The following CDHR3 variants were observed in gnomAD, a reference collection of about 807,000 sequenced individuals.
CDHR3 encodes the protein cadherin-related family member 3.
Under a neutral mutation model 86.6 loss-of-function variants are expected in CDHR3, and 79 were observed. The observed-to-expected ratio is 0.91, with a 90% CI of 0.76 to 1.10. The LOEUF is 1.10. Ranked by LOEUF, CDHR3 falls within the 50% of genes least tolerant of loss-of-function variation. The pLI is 0.00. For synonymous variants in CDHR3, 421 were observed against 402.4 expected, an observed-to-expected ratio of 1.05 and a Z score of -0.55; for missense variants, 1,081 against 1,077.6, an observed-to-expected ratio of 1.00 and a Z score of -0.04.
chr7:106,012,797 T>C lies in CDHR3; in HGVS notation c.1053-63T>C, dbSNP rs1835018807. 4 of 1,511,712 alleles carry C rather than the reference T, an allele frequency of 2.6e-6. No homozygotes were observed. The Admixed American group carries it at 8.3e-5, about 31-fold the overall frequency. 93.6% of individuals were successfully genotyped at this position (1,511,712 alleles called of 1,614,324 possible). A position where few individuals can be genotyped will look rare whatever the true frequency, so the allele number is the denominator to read the frequency against. On this transcript the variant is annotated intron_variant, in intron 8 of 18. Coordinates refer to ENST00000317716, the MANE Select transcript of CDHR3 (RefSeq NM_152750.5). ...GTAGAGGTGTCTAGCCCAGGGCCCA[T>C]GTGAGAAGGAACAGTCGATTACCAT...
intron 14 of CDHR3, 122 bp downstream of exon 14, chr7:106,022,570 C>CA (rs1186537212): frequency 1.7e-5 from 24 of 1,395,192 alleles, no homozygotes; most frequent in Non-Finnish European, 2.0e-5. Flanking sequence ...AGGATGTTGC[C>CA]AAAAATGGCA....
chr7:106,017,564 GACACACACACACACAC>G (rs539661927), intron 11 of CDHR3, among the ~76,000 whole-genome samples: 121 of 130,638 alleles, frequency 9.3e-4, no homozygotes, highest in African/African-American at 3.1e-3. Context: ...GTCACACACA[GACACACACACACACAC>G]ACACACACAC....
intron 9 of CDHR3, among the ~76,000 whole-genome samples, chr7:106,013,589 A>C (rs10257002): frequency 0.46 from 69,596 of 151,972 alleles, 16,404 homozygotes; most frequent in African/African-American, 0.57. Context: ...TTACAGAGCT[A>C]CTGCTGGAAG....
At chr7:105,983,124 C>T (rs1245865514) in intron 3 of CDHR3, among the ~76,000 whole-genome samples, 1 of 152,188 alleles carries the variant, frequency 6.6e-6, no homozygotes, top group African/African-American at 2.4e-5. Context: ...CACTAATATA[C>T]ACACATTTTC....
chr7:106,028,172 T>C (rs1184055711), intron 16 of CDHR3, among the ~76,000 whole-genome samples: 2 of 135,402 alleles, frequency 1.5e-5, no homozygotes, highest in African/African-American at 5.5e-5. Context: ...TAAAATAAAA[T>C]AAAATAAAAG....
chr7:105,988,396 A>C (rs1167105027), intron 4 of CDHR3, among the ~76,000 whole-genome samples: 1 of 152,236 alleles, frequency 6.6e-6, no homozygotes, highest in Non-Finnish European at 1.5e-5. Flanking sequence ...AAAACACTAA[A>C]GCACATGCCT....
At chr7:105,972,537 A>G (rs1828146064) in intron 1 of CDHR3, among the ~76,000 whole-genome samples, 1 of 152,170 alleles carries the variant, frequency 6.6e-6, no homozygotes, top group South Asian at 2.1e-4. Flanking sequence ...ACTCTCATGA[A>G]CAGCTCAGAG....
rs373893682 is a variant in CDHR3, at chr7:106,005,226, G to A, written c.1052+539G>A. Among the ~76,000 whole-genome samples the A allele has an allele frequency of 4.6e-5, 7 of 152,082 alleles. No homozygotes were observed. In the East Asian group the frequency reaches 9.6e-4, roughly 21 times the overall value. On this transcript the variant is annotated intron_variant, in intron 8 of 18. Coordinates refer to ENST00000317716, the MANE Select transcript of CDHR3 (RefSeq NM_152750.5). ...AATTGAATATAAACAAAAGACATCC[G>A]AAAGGGAAAAAATGCAGATACAAGT...
chr7:105,963,928 T>G (rs1826433185), intron 1 of CDHR3, among the ~76,000 whole-genome samples: 1 of 152,240 alleles, frequency 6.6e-6, no homozygotes, highest in South Asian at 2.1e-4. Flanking sequence ...CAGCTTGGAT[T>G]ATTGAAATTG....
Position 105,994,863 on chromosome 7 carries a change from C to T in CDHR3, c.608+18C>T. On this transcript the variant is annotated intron_variant, in intron 5 of 18. Coordinates refer to ENST00000317716, the MANE Select transcript of CDHR3 (RefSeq NM_152750.5). ...CACAGAAGGTAGTCTTGCTATTGAC[C>T]TTGCATGAAGTACTGTTTATCTGAG... 1 of 1,575,888 alleles carries T rather than the reference C, an allele frequency of 6.3e-7. No homozygotes were observed. The highest frequency in any genetic ancestry group is 8.7e-7 in the Non-Finnish European group (1 of 1,152,802).
intron 12 of CDHR3, among the ~76,000 whole-genome samples, chr7:106,020,129 A>C (rs936108017): frequency 6.6e-6 from 1 of 152,184 alleles, no homozygotes; most frequent in Non-Finnish European, 1.5e-5. Context: ...TAGGATTTGG[A>C]GTAGGACAGA....
chr7:106,016,038 T>A lies in CDHR3; in HGVS notation c.1426+13T>A, dbSNP rs763496815. 1.3e-6 allele frequency: 2 copies of A among 1,562,180 alleles called. No homozygotes were observed. Among genetic ancestry groups the A allele is most frequent in the Non-Finnish European group, 1.8e-6 (2 of 1,137,826 alleles). Reference sequence around the variant, plus strand: ...GAAAGAAGGCCCGGTAAGTAACAGATAAGACACAGACCAGAGTGCTGTCAA... The same window carrying A: ...GAAAGAAGGCCCGGTAAGTAACAGAAAAGACACAGACCAGAGTGCTGTCAA... On this transcript the variant is annotated intron_variant, in intron 11 of 18. Transcript: ENST00000317716.
At position 106,001,501 on chromosome 7, in the gene CDHR3, A is replaced by G. The variant is rs752260103; in HGVS notation, c.753A>G (p.Pro251=). Residue 251 remains proline (P), a synonymous_variant, in exon 7 of 19, where the codon CCA becomes CCG. Transcript: ENST00000317716. Reference sequence around the variant, plus strand: ...ACACAGTCCTGGAGGAACTGAGTCCAGGAACCATCGTGGCCAATATCACAG... The same window carrying G: ...ACACAGTCCTGGAGGAACTGAGTCCGGGAACCATCGTGGCCAATATCACAG... ...RVYTVLEELS[P]GTIVANITAE... is the part of the protein sequence containing the mutation. 11 of 1,613,940 alleles carry G rather than the reference A, an allele frequency of 6.8e-6. No homozygotes were observed. The East Asian group carries it at 2.0e-4, about 29-fold the overall frequency.
At chr7:105,978,348 C>T (rs2115660695) in intron 2 of CDHR3, among the ~76,000 whole-genome samples, 1 of 152,320 alleles carries the variant, frequency 6.6e-6, no homozygotes, top group South Asian at 2.1e-4. Context: ...GAGGCCAGCA[C>T]CTGCCCCTCT....
At chr7:106,007,202 G>A (rs558050405) in intron 8 of CDHR3, among the ~76,000 whole-genome samples, 41 of 152,320 alleles carry the variant, frequency 2.7e-4, no homozygotes, top group South Asian at 1.9e-3. Context: ...CCATGAAGCC[G>A]TTTCTTCCTC....
At chr7:105,987,331 A>G (rs1487434186) in intron 4 of CDHR3, among the ~76,000 whole-genome samples, 6 of 152,242 alleles carry the variant, frequency 3.9e-5, no homozygotes, top group African/African-American at 1.4e-4. Context: ...AATATTTAAC[A>G]CCTGTGCTGG....
Position 106,018,042 on chromosome 7 carries a change from C to T in CDHR3, c.1623C>T (p.Ala541=), listed in dbSNP as rs1835930678. The T allele has an allele frequency of 2.5e-6, 4 of 1,613,866 alleles. No individual in the cohort carries two copies. The East Asian group carries it at 8.9e-5, about 36-fold the overall frequency. Residue 541 remains alanine, a synonymous_variant, in exon 12 of 19, where the codon GCC becomes GCT. Coordinates refer to ENST00000317716, the MANE Select transcript of CDHR3 (RefSeq NM_152750.5). The stretch of plus-strand genomic sequence containing the variant: ...CCATCTATATTCTCAGAATCCAGGC[C>T]ACCAACAACGAAGACACAAGCTCTG... The part of the protein sequence containing the change: ...TTPIYILRIQ[A]TNNEDTSSVT...
chr7:105,998,628 C>G (rs1375322220), intron 6 of CDHR3, among the ~76,000 whole-genome samples: 1 of 152,070 alleles, frequency 6.6e-6, no homozygotes, highest in Non-Finnish European at 1.5e-5. Context: ...CCTGTTTCTA[C>G]TAAAAGTACC....
At chr7:106,009,093 G>C (rs1445036455) in intron 8 of CDHR3, among the ~76,000 whole-genome samples, 2 of 152,158 alleles carry the variant, frequency 1.3e-5, no homozygotes, top group African/African-American at 4.8e-5. Context: ...TCCTGCACTT[G>C]ATAATCTTCC....
Sources: gnomAD v4.1 joint callset for allele counts (sites outside exome capture counted in the v4.1 genomes callset) on GRCh38, gnomAD v4.1.1 for gene constraint, MANE v1.5 for transcripts, NCBI Gene and HGNC (gene_info 2026-07-23, HGNC 2026-07-21) for gene names.